SHROOM2: variants seen among roughly 807,000 people sequenced by gnomAD.
SHROOM2 encodes shroom family member 2, also known as protein Shroom2.
Under a neutral mutation model 75.9 loss-of-function variants are expected in SHROOM2, and 33 were observed. The observed-to-expected ratio is 0.43, with a 90% CI of 0.33 to 0.58. The LOEUF (loss-of-function observed/expected upper bound fraction) is 0.58, where lower values mean the gene tolerates loss of function less well. Among genes scored for constraint, SHROOM2 ranks in the 20% least tolerant of loss-of-function variants. The pLI, the probability that SHROOM2 is intolerant of heterozygous loss-of-function variation, is 0.04. For missense variants in SHROOM2, 1,434 were observed against 1,461.2 expected, an observed-to-expected ratio of 0.98 and a Z score of 0.30; for synonymous variants, 655 against 663.6, an observed-to-expected ratio of 0.99 and a Z score of 0.20.
chrX:9,894,444 A>G lies in SHROOM2; in HGVS notation c.536A>G (p.Asp179Gly). The change falls in exon 4 of 10, where the codon GAC becomes GGC. Residue 179 changes from aspartate (D) to glycine (G), a missense_variant. Coordinates refer to ENST00000380913, the MANE Select transcript of SHROOM2 (RefSeq NM_001649.4). ...CACTTCAGCTCCTTGGGGAGCGTTG[A>G]CAGCCTGGACCACCCCTCCAGTCGC... ...LDHFSSLGSVDSLDHPSSRLS... is the reference protein window; with the variant it reads ...LDHFSSLGSVGSLDHPSSRLS... The G allele has an allele frequency of 2.5e-6, 3 of 1,209,895 alleles. No homozygotes were observed. Among genetic ancestry groups the G allele is most frequent in the Non-Finnish European group, 3.4e-6 (3 of 895,071 alleles).
rs138558321 is a variant in SHROOM2, at chrX:9,894,539, G to A, written c.631G>A (p.Gly211Ser). Residue 211 changes from glycine (G) to serine (S), a missense_variant, in exon 4 of 10, where the codon GGC (glycine) becomes AGC (serine). By Grantham distance (56) the Gly-to-Ser change is moderately conservative. Around this residue, in one of 3 missense-constraint regions of SHROOM2, gnomAD observed 1,340 missense variants for 1,338.3 expected, o/e 1.00. Coordinates refer to ENST00000380913, the MANE Select transcript of SHROOM2 (RefSeq NM_001649.4). ...CCACAGCAAGCGCGACTCGGCCTACGGCTCCTTCTCCACCAGCTCTAGCAC... is the reference window on the plus strand; with the variant it reads ...CCACAGCAAGCGCGACTCGGCCTACAGCTCCTTCTCCACCAGCTCTAGCAC... Reference protein sequence around the residue: ...GSHSKRDSAYGSFSTSSSTPD... With the variant: ...GSHSKRDSAYSSFSTSSSTPD... 3.3e-3 allele frequency: 3,951 copies of A among 1,209,486 alleles called. 12 individuals are homozygous for A. Among genetic ancestry groups the A allele is most frequent in the Non-Finnish European group, 3.3e-3 (2,966 of 895,057 alleles).
chrX:9,805,606 A>G (rs1472574558), intron 1 of SHROOM2, among the ~76,000 whole-genome samples: 1 of 112,003 alleles, frequency 8.9e-6, no homozygotes, highest in Non-Finnish European at 1.9e-5. Flanking sequence ...CATGGTTGGC[A>G]AGTGCCTGTA....
At chrX:9,805,048 G>A (rs1357590759) in intron 1 of SHROOM2, among the ~76,000 whole-genome samples, 2 of 107,498 alleles carry the variant, frequency 1.9e-5, no homozygotes, top group Non-Finnish European at 3.8e-5. Context: ...GAGCTTGCTT[G>A]GCCAACATGG....
intron 2 of SHROOM2, among the ~76,000 whole-genome samples, chrX:9,885,326 G>A (rs773426423): frequency 3.6e-5 from 4 of 109,964 alleles, no homozygotes; most frequent in East Asian, 2.9e-4. Flanking sequence ...CAGAGGGACC[G>A]GGAGTGTAGG....
At chrX:9,852,346 A>G (rs2084045387) in intron 1 of SHROOM2, among the ~76,000 whole-genome samples, 1 of 112,866 alleles carries the variant, frequency 8.9e-6, no homozygotes, top group African/African-American at 3.2e-5. Context: ...GACCAAAGAT[A>G]TTACCCTCTG....
chrX:9,806,469 T>C (rs1231721046), intron 1 of SHROOM2, among the ~76,000 whole-genome samples: 3 of 108,137 alleles, frequency 2.8e-5, no homozygotes, highest in African/African-American at 1.0e-4. Context: ...TGTGTGTATA[T>C]ATATATGTAT....
rs1569161512 is a variant in SHROOM2, at chrX:9,895,848, C to T, written c.1940C>T (p.Thr647Ile). 1 of 1,204,943 alleles carries T rather than the reference C, an allele frequency of 8.3e-7. No individual in the cohort carries two copies. The highest frequency in any genetic ancestry group is 3.0e-5 in the East Asian group (1 of 33,738). Residue 647 changes from threonine (T) to isoleucine (I), a missense_variant, in exon 4 of 10, where the codon ACA becomes ATA. By Grantham distance (89) the Thr-to-Ile change is moderately conservative. This residue lies in a region of SHROOM2 where 1,340 missense variants were observed against 1,338.3 expected (regional missense o/e 1.00). Transcript: ENST00000380913. ...HRAKLQKSRS[T>I]VALTAAGEAE... Reference sequence around the variant, plus strand: ...GCCAAGCTGCAGAAGAGCCGGAGCACAGTGGCTCTGACTGCAGCAGGGGAG... The same window carrying T: ...GCCAAGCTGCAGAAGAGCCGGAGCATAGTGGCTCTGACTGCAGCAGGGGAG...
intron 8 of SHROOM2, among the ~76,000 whole-genome samples, chrX:9,940,447 T>C (rs2084759129): frequency 8.9e-6 from 1 of 111,969 alleles, no homozygotes; most frequent in African/African-American, 3.2e-5. Flanking sequence ...CTGGAGATGC[T>C]GGGAAGCCGC....
intron 1 of SHROOM2, 120 bp from the exon 2 acceptor site, chrX:9,873,532 G>A: frequency 1.2e-6 from 1 of 826,193 alleles, no homozygotes; most frequent in Non-Finnish European, 1.8e-6. Flanking sequence ...TGGTAATAAG[G>A]TCAGCCCCCA....
chrX:9,819,133 A>C (rs951079634), intron 1 of SHROOM2: 62 of 1,196,696 alleles, frequency 5.2e-5, no homozygotes, highest in Non-Finnish European at 4.5e-5. Flanking sequence ...CGATAGCCAC[A>C]GGCTTTATAA....
At chrX:9,901,157 C>A (rs1020102391) in intron 5 of SHROOM2, among the ~76,000 whole-genome samples, 3 of 110,966 alleles carry the variant, frequency 2.7e-5, no homozygotes, top group African/African-American at 9.8e-5. Flanking sequence ...CAAGGTCGTC[C>A]CTCTGCGCAT....
intron 1 of SHROOM2, among the ~76,000 whole-genome samples, chrX:9,807,803 C>T (rs756430433): frequency 2.7e-5 from 3 of 112,342 alleles, no homozygotes; most frequent in African/African-American, 9.7e-5. Context: ...GAGAGCAGCC[C>T]TTCTGAGTGT....
intron 5 of SHROOM2, among the ~76,000 whole-genome samples, chrX:9,930,704 T>A (rs774404134): frequency 9.0e-6 from 1 of 111,281 alleles, no homozygotes; most frequent in African/African-American, 3.3e-5. Context: ...AAATGTATTG[T>A]TCTCTAACCC....
intron 3 of SHROOM2, among the ~76,000 whole-genome samples, chrX:9,892,045 A>T (rs1056362511): frequency 9.1e-6 from 1 of 110,058 alleles, no homozygotes; most frequent in Non-Finnish European, 1.9e-5. Context: ...AGATTGTTTG[A>T]GTTCAAGACC....
intron 5 of SHROOM2, 36 bp downstream of exon 5, chrX:9,898,326 C>A: frequency 9.6e-7 from 1 of 1,038,141 alleles, no homozygotes; most frequent in Non-Finnish European, 1.3e-6. Flanking sequence ...ACTGAAGAGG[C>A]GTCTGAGGGT....
chrX:9,883,021 C>G (rs1223928815), intron 2 of SHROOM2, among the ~76,000 whole-genome samples: 1 of 112,343 alleles, frequency 8.9e-6, no homozygotes, highest in East Asian at 2.8e-4. Flanking sequence ...CTTTAGGGGG[C>G]GACTTTTCTT....
chrX:9,813,395 C>T (rs58842900), intron 1 of SHROOM2, among the ~76,000 whole-genome samples: 1,236 of 111,521 alleles, frequency 0.011, 12 homozygotes, highest in African/African-American at 0.038. Context: ...ACCACAGTGA[C>T]GTTTTGGCTC....
intron 1 of SHROOM2, among the ~76,000 whole-genome samples, chrX:9,872,292 C>T (rs1323630850): frequency 8.8e-6 from 1 of 112,996 alleles, no homozygotes; most frequent in Non-Finnish European, 1.9e-5. Context: ...AGGCCGCGCA[C>T]GGTGGCTCAC....
intron 1 of SHROOM2, among the ~76,000 whole-genome samples, chrX:9,806,809 C>A (rs905024371): frequency 9.1e-6 from 1 of 109,799 alleles, no homozygotes; most frequent in Non-Finnish European, 1.9e-5. Context: ...CTGCAACCTC[C>A]ACCTCCCGGG....
Sources: gnomAD v4.1 joint callset for allele counts (sites outside exome capture counted in the v4.1 genomes callset) on GRCh38, gnomAD v4.1.1 for gene constraint, gnomAD v4.1.1 regional missense constraint, MANE v1.5 for transcripts, NCBI Gene and HGNC (gene_info 2026-07-23, HGNC 2026-07-21) for gene names.